Variants in SLC7A6 observed in about 807,000 individuals in gnomAD.
SLC7A6 encodes the protein Y+L amino acid transporter 2.
Under a neutral mutation model 46.6 loss-of-function variants are expected in SLC7A6, and 29 were observed. The ratio of observed to expected loss-of-function variants is 0.62; its 90% CI spans 0.46 to 0.85. The LOEUF (loss-of-function observed/expected upper bound fraction) is 0.85. Ranked by LOEUF, SLC7A6 falls within the 40% of genes least tolerant of loss-of-function variation. The pLI, the probability that SLC7A6 is intolerant of heterozygous loss-of-function variation, is 0.00. For missense variants in SLC7A6, 527 were observed against 647.6 expected (o/e 0.81, Z 2.02); for synonymous variants, 276 against 257.3 (o/e 1.07, Z -0.70).
intron 2 of SLC7A6, among the ~76,000 whole-genome samples, chr16:68,274,318 C>G (rs938215527): frequency 2.6e-5 from 4 of 152,194 alleles, no homozygotes; most frequent in Non-Finnish European, 5.9e-5. Flanking sequence ...GGTGCAGGGA[C>G]TCTGGTCTTC....
chr16:68,267,462 G>A (rs1182280634), intron 2 of SLC7A6, among the ~76,000 whole-genome samples: 2 of 152,008 alleles, frequency 1.3e-5, no homozygotes, highest in South Asian at 2.1e-4. Flanking sequence ...CGATCCACCC[G>A]CCTCAGCCTC....
intron 4 of SLC7A6, 152 bp from the exon 5 acceptor site, chr16:68,290,244 T>C (rs2043019940): frequency 3.9e-6 from 3 of 766,776 alleles, no homozygotes; most frequent in African/African-American, 1.8e-5. Context: ...GTTTTTTCTT[T>C]CTTGTTCCTC....
chr16:68,294,878 A>G, intron 8 of SLC7A6, 77 bp downstream of exon 8: 1 of 984,334 alleles, frequency 1.0e-6, no homozygotes, highest in Non-Finnish European at 1.6e-6. Context: ...TTGTTAAATA[A>G]GAGGGACCCT....
intron 3 of SLC7A6, chr16:68,287,500 TGTATAA>T: frequency 4.3e-6 from 6 of 1,391,670 alleles, no homozygotes; most frequent in African/African-American, 1.4e-5. Context: ...GCCATCAGGA[TGTATAA>T]GTATGTGTTC....
intron 4 of SLC7A6, among the ~76,000 whole-genome samples, chr16:68,289,686 C>G (rs1277562624): frequency 6.6e-6 from 1 of 152,114 alleles, no homozygotes; most frequent in Non-Finnish European, 1.5e-5. Context: ...GGTGCTGTCC[C>G]CTGGGCTTTT....
intron 2 of SLC7A6, among the ~76,000 whole-genome samples, chr16:68,268,992 C>T (rs538315544): frequency 5.3e-5 from 8 of 151,250 alleles, no homozygotes; most frequent in African/African-American, 9.7e-5. Context: ...GGGCAACGAG[C>T]GAAACTCCGT....
intron 5 of SLC7A6, 70 bp downstream of exon 5, chr16:68,290,610 C>T (rs1240632677): frequency 6.4e-7 from 1 of 1,557,366 alleles, no homozygotes; most frequent in Non-Finnish European, 8.8e-7. Context: ...CGTGCCTGCC[C>T]TCATCCTTCT....
At chr16:68,285,936 A>T (rs1299250716) in intron 3 of SLC7A6, among the ~76,000 whole-genome samples, 2 of 150,626 alleles carry the variant, frequency 1.3e-5, no homozygotes, top group Non-Finnish European at 3.0e-5. Flanking sequence ...CTACAAAATA[A>T]TTTTTTTTTA....
At position 68,286,014 on chromosome 16, in the gene SLC7A6, T is replaced by G. The variant is rs2042923385; in HGVS notation, c.524-1732T>G. On this transcript the variant is annotated intron_variant, in intron 3 of 10. Coordinates refer to ENST00000219343, the MANE Select transcript of SLC7A6 (RefSeq NM_003983.6). ...AGGAGGTTGAGGTGGGAAGATCACT[T>G]GAGCCCTGGACATCGAGGCTGCAGT... is the stretch of plus-strand genomic sequence containing the variant. 2.1e-5 allele frequency among the ~76,000 whole-genome samples: 3 copies of G among 145,218 alleles called. No homozygotes were observed. In the Admixed American group the frequency reaches 2.2e-4, roughly 10 times the overall value.
intron 2 of SLC7A6, among the ~76,000 whole-genome samples, chr16:68,267,037 C>G (rs968216714): frequency 2.0e-5 from 3 of 151,734 alleles, no homozygotes; most frequent in Non-Finnish European, 2.9e-5. Context: ...TGGATTCAAG[C>G]GATTCTCCTG....
intron 2 of SLC7A6, among the ~76,000 whole-genome samples, 199 bp from the exon 3 acceptor site, chr16:68,274,491 TG>T (rs1207161482): frequency 1.3e-5 from 2 of 152,192 alleles, no homozygotes; most frequent in Non-Finnish European, 2.9e-5. Flanking sequence ...TGAGCTCTCA[TG>T]GTGTCTTTCT....
chr16:68,299,015 C>T lies in SLC7A6; in HGVS notation c.*1687C>T, dbSNP rs1223084885. The T allele has an allele frequency of 1.3e-5, 2 of 152,624 alleles. No individual in the cohort carries two copies. The highest frequency in any genetic ancestry group is 2.9e-5 in the Non-Finnish European group (2 of 68,040). 9.5% of individuals were successfully genotyped at this position (152,624 alleles called of 1,614,324 possible). On this transcript the variant is annotated 3_prime_UTR_variant, in exon 11 of 11. Transcript: ENST00000219343. ...CAATAAAGATTGAAGGAAGCATGGT[C>T]ATAGTTGCCCTGGGTTCAGAGCATA...
intron 3 of SLC7A6, among the ~76,000 whole-genome samples, chr16:68,277,542 ACCTCGTGATC>A (rs1168124133): frequency 6.6e-6 from 1 of 151,588 alleles, no homozygotes; most frequent in Admixed American, 6.6e-5. Flanking sequence ...CGATGTCCTG[ACCTCGTGATC>A]CGCCCGCCTC....
rs1269193287 is a variant in SLC7A6 at position 68,297,803 on chromosome 16, G to A, written c.*475G>A. 3.9e-5 allele frequency: 6 copies of A among 153,492 alleles called. No homozygotes were observed. Among genetic ancestry groups the A allele is most frequent in the Non-Finnish European group, 5.8e-5 (4 of 68,724 alleles). The allele number at this position is 153,492 out of a possible 1,614,324, so 9.5% of individuals were successfully genotyped here. On this transcript the variant is annotated 3_prime_UTR_variant, in exon 11 of 11. Coordinates refer to ENST00000219343, the MANE Select transcript of SLC7A6 (RefSeq NM_003983.6). ...TTCCTCTGGCTCAAAATTCTTCCCT[G>A]GGGAGAGAGTTATATTCCCTTATTT...
In SLC7A6 at chr16:68,301,421, G is replaced by A. The variant is rs747928841; in HGVS notation, c.*4093G>A. ...TCAGCAGAGCCTAGAATGACATCCC[G>A]GGAGTGGATTCTAAATGTGATTTTC... On this transcript the variant is annotated 3_prime_UTR_variant, in exon 11 of 11. Coordinates refer to ENST00000219343, the MANE Select transcript of SLC7A6 (RefSeq NM_003983.6). 8.7e-6 allele frequency: 14 copies of A among 1,608,916 alleles called. No homozygotes were observed. The highest frequency in any genetic ancestry group is 4.0e-5 in the African/African-American group (3 of 74,764).
intron 1 of SLC7A6, among the ~76,000 whole-genome samples, chr16:68,266,056 C>G (rs1402536281): frequency 6.6e-6 from 1 of 151,944 alleles, no homozygotes; most frequent in Non-Finnish European, 1.5e-5. Context: ...GTCAGGAGAT[C>G]GAGACCATCC....
chr16:68,294,649 G>A, intron 7 of SLC7A6, 56 bp from the exon 8 acceptor site: 1 of 1,261,812 alleles, frequency 7.9e-7, no homozygotes, highest in Admixed American at 1.7e-5. Context: ...TGAGGAGTGA[G>A]TATGGCTGAG....
chr16:68,269,452 G>A (rs1468340756), intron 2 of SLC7A6, among the ~76,000 whole-genome samples: 2 of 151,852 alleles, frequency 1.3e-5, no homozygotes, highest in African/African-American at 2.4e-5. Context: ...TCCTAGTCAG[G>A]AGACAGTAGT....
At chr16:68,285,870 T>C (rs1448926344) in intron 3 of SLC7A6, among the ~76,000 whole-genome samples, 1 of 151,654 alleles carries the variant, frequency 6.6e-6, no homozygotes, top group Non-Finnish European at 1.5e-5. Context: ...GGCAGGAGGA[T>C]TGCTTGAGCC....
Sources: gnomAD v4.1 joint callset for allele counts (sites outside exome capture counted in the v4.1 genomes callset) on GRCh38, gnomAD v4.1.1 for gene constraint, MANE v1.5 for transcripts, NCBI Gene and HGNC (gene_info 2026-07-23, HGNC 2026-07-21) for gene names.